Variants in SH3GL3 observed in about 807,000 individuals in gnomAD.
SH3GL3 encodes SH3 domain containing GRB2 like 3, endophilin A3.
SH3GL3 carries 33 observed loss-of-function variants against 47.7 expected under a neutral mutation model. The observed-to-expected ratio is 0.69, with a 90% confidence interval of 0.52 to 0.92. The LOEUF is 0.92. SH3GL3 is among the 40% of genes least tolerant of loss of function. The pLI is 0.00. For synonymous variants in SH3GL3, 155 were observed against 148.8 expected, an observed-to-expected ratio of 1.04 and a Z score of -0.30; for missense variants, 363 against 417.8, an observed-to-expected ratio of 0.87 and a Z score of 1.14.
At chr15:83,610,980 A>ATATAT (rs1555423248) in intron 8 of SH3GL3, among the ~76,000 whole-genome samples, 7 of 147,040 alleles carry the variant, frequency 4.8e-5, no homozygotes, top group Non-Finnish European at 7.5e-5. Flanking sequence ...TCAGCCAAAA[A>ATATAT]ATATATATAT....
At chr15:83,559,566 C>T (rs1458664532) in intron 2 of SH3GL3, among the ~76,000 whole-genome samples, 3 of 152,142 alleles carry the variant, frequency 2.0e-5, no homozygotes, top group South Asian at 2.1e-4. Context: ...CCTCTAGTGG[C>T]CAGAAGTCAG....
chr15:83,488,749 T>G (rs1311787370), intron 1 of SH3GL3, among the ~76,000 whole-genome samples: 1 of 152,256 alleles, frequency 6.6e-6, no homozygotes, highest in Admixed American at 6.5e-5. Context: ...CACTTTGGGT[T>G]TTGTGGCTGA....
At chr15:83,606,046 GT>G (rs35498646) in intron 8 of SH3GL3, among the ~76,000 whole-genome samples, 18,020 of 148,748 alleles carry the variant, frequency 0.12, 1,396 homozygotes, top group Admixed American at 0.24. Flanking sequence ...TTTTTATGAA[GT>G]TTTTTTTTTT....
At chr15:83,537,883 C>G (rs1596208142) in intron 1 of SH3GL3, among the ~76,000 whole-genome samples, 1 of 152,036 alleles carries the variant, frequency 6.6e-6, no homozygotes, top group East Asian at 1.9e-4. Context: ...ATATGCCTCT[C>G]TCTCTATAGA....
intron 7 of SH3GL3, among the ~76,000 whole-genome samples, chr15:83,587,573 G>A (rs574650408): frequency 6.3e-5 from 9 of 143,774 alleles, no homozygotes; most frequent in East Asian, 2.1e-4. Context: ...TCACCAGTAC[G>A]AATTTCAGGA....
At chr15:83,579,732 C>CTTTTCT (rs2059784552) in intron 6 of SH3GL3, among the ~76,000 whole-genome samples, 3 of 151,770 alleles carry the variant, frequency 2.0e-5, no homozygotes, top group Non-Finnish European at 4.4e-5. Flanking sequence ...TTTCTCCTAC[C>CTTTTCT]CAGGTTTATA....
At chr15:83,458,631 C>G (rs1897063489) in intron 1 of SH3GL3, among the ~76,000 whole-genome samples, 1 of 152,154 alleles carries the variant, frequency 6.6e-6, no homozygotes, top group Non-Finnish European at 1.5e-5. Context: ...AATCAAAACT[C>G]TGGAGGGTCT....
In SH3GL3 at chr15:83,541,310, C is replaced by CAATTTTTTTTTTTTTTTTTTTTTTTTTT. The variant is rs1567318555; in HGVS notation, c.46-17943_46-17942insAATTTTTTTTTTTTTTTTTTTTTTTTTT. Among the ~76,000 whole-genome samples the CAATTTTTTTTTTTTTTTTTTTTTTTTTT allele has an allele frequency of 4.2e-5, 2 of 47,750 alleles. 1 individual carries two copies. Among genetic ancestry groups the CAATTTTTTTTTTTTTTTTTTTTTTTTTT allele is most frequent in the African/African-American group, 1.3e-4 (2 of 15,292 alleles). 31.3% of individuals were successfully genotyped at this position (47,750 alleles called of 152,430 possible). A position where few individuals can be genotyped will look rare whatever the true frequency, so the allele number is the denominator to read the frequency against. ...GGGATGGCTGGATCATATGGTAATT[C>CAATTTTTTTTTTTTTTTTTTTTTTTTTT]TATTTTTTTTTTTTTTTTTTTTTTT... On this transcript the variant is annotated intron_variant, in intron 1 of 8. Transcript: ENST00000427482.
chr15:83,521,304 T>C (rs938739039), intron 1 of SH3GL3, among the ~76,000 whole-genome samples: 5 of 152,200 alleles, frequency 3.3e-5, no homozygotes, highest in African/African-American at 1.2e-4. Flanking sequence ...TGGAAGGGAT[T>C]TCATACAGGG....
chr15:83,610,679 G>T (rs913282440), intron 8 of SH3GL3, among the ~76,000 whole-genome samples: 4 of 152,124 alleles, frequency 2.6e-5, no homozygotes, highest in African/African-American at 9.7e-5. Context: ...TCAGTGTTGT[G>T]GCTTAATTGT....
chr15:83,533,028 C>G (rs1265472898), intron 1 of SH3GL3, among the ~76,000 whole-genome samples: 1 of 152,166 alleles, frequency 6.6e-6, no homozygotes, highest in Non-Finnish European at 1.5e-5. Context: ...GGCCCATTGA[C>G]ACTGTATGCA....
chr15:83,560,435 A>G (rs374948242), intron 2 of SH3GL3, among the ~76,000 whole-genome samples: 1 of 152,246 alleles, frequency 6.6e-6, no homozygotes, highest in Non-Finnish European at 1.5e-5. Context: ...AACCATGGAA[A>G]CATGTTCACA....
rs1239443295 is a variant in SH3GL3 at position 83,492,208 on chromosome 15, G to A, written c.45+44630G>A. On this transcript the variant is annotated intron_variant, in intron 1 of 8. Coordinates refer to ENST00000427482, the MANE Select transcript of SH3GL3 (RefSeq NM_003027.5). The stretch of plus-strand genomic sequence containing the variant: ...TGAGGCAGGAGAATTGCTTGAACCT[G>A]GGAATCGGAGGTTGCAGTGAGCCAA... 2.0e-5 allele frequency among the ~76,000 whole-genome samples: 3 copies of A among 148,038 alleles called. No homozygotes were observed. The South Asian group carries it at 6.5e-4, about 32-fold the overall frequency.
At chr15:83,619,954 G>C (rs919991254), downstream of SH3GL3, among the ~76,000 whole-genome samples, 3 of 152,206 alleles carry the variant, frequency 2.0e-5, no homozygotes, top group African/African-American at 7.2e-5. Context: ...GCTTTATCAA[G>C]TTTATGTAAT....
intron 1 of SH3GL3, among the ~76,000 whole-genome samples, chr15:83,486,673 T>A (rs2041611339): frequency 6.6e-6 from 1 of 152,252 alleles, no homozygotes; most frequent in Non-Finnish European, 1.5e-5. Flanking sequence ...TTCTCCCTTT[T>A]GGTTATTGGG....
chr15:83,547,203 T>C (rs1367695837), intron 1 of SH3GL3, among the ~76,000 whole-genome samples: 1 of 152,148 alleles, frequency 6.6e-6, no homozygotes, highest in Admixed American at 6.5e-5. Context: ...CCCACAGTGG[T>C]GGGGCTAGCC....
the SH3GL3 span, among the ~76,000 whole-genome samples, chr15:83,629,863 C>G: frequency 6.6e-6 from 1 of 152,092 alleles, no homozygotes; most frequent in Non-Finnish European, 1.5e-5. Flanking sequence ...CCTAGACATA[C>G]AGGCTAAAAC....
At position 83,492,056 on chromosome 15, in the gene SH3GL3, C is replaced by T. The variant is rs1006013518; in HGVS notation, c.45+44478C>T. 3.3e-5 allele frequency among the ~76,000 whole-genome samples: 5 copies of T among 151,874 alleles called. 1 individual carries two copies. The highest frequency in any genetic ancestry group is 4.2e-4 in the South Asian group (2 of 4,806). ...CCCCAGCACTTTGGGAGGCCTAGGC[C>T]GGCAGATCACGAGGTCAGGAGATCA... On this transcript the variant is annotated intron_variant, in intron 1 of 8. Coordinates refer to ENST00000427482, the MANE Select transcript of SH3GL3 (RefSeq NM_003027.5).
intron 1 of SH3GL3, among the ~76,000 whole-genome samples, chr15:83,518,550 T>C (rs2043084763): frequency 1.3e-5 from 2 of 152,204 alleles, no homozygotes; most frequent in Admixed American, 6.5e-5. Context: ...TTGAAAAGTG[T>C]TTATTCATTT....
Sources: gnomAD v4.1 joint callset for allele counts (sites outside exome capture counted in the v4.1 genomes callset) on GRCh38, gnomAD v4.1.1 for gene constraint, MANE v1.5 for transcripts, NCBI Gene and HGNC (gene_info 2026-07-23, HGNC 2026-07-21) for gene names.